The following EFNA5 variants were observed in gnomAD, a reference collection of about 807,000 sequenced individuals.
The protein encoded by EFNA5 is ephrin-A5.
In EFNA5, 5 loss-of-function variants were observed where a neutral mutation model predicts 22.9. That is an observed-to-expected ratio of 0.22 (90% CI 0.11 to 0.46). The LOEUF is 0.46. EFNA5 is among the 20% of genes least tolerant of loss of function. The probability of loss-of-function intolerance (pLI) is 0.99; values close to 1 mark genes in which losing one functional copy is unlikely to be tolerated. For missense variants in EFNA5, 237 were observed against 293.3 expected (o/e 0.81, Z 1.40); for synonymous variants, 113 against 112.2 (o/e 1.01, Z -0.04).
intron 1 of EFNA5, among the ~76,000 whole-genome samples, chr5:107,653,885 T>A (rs574090693): frequency 1.3e-5 from 2 of 152,252 alleles, no homozygotes; most frequent in East Asian, 3.9e-4. Flanking sequence ...AGCTTGCCAA[T>A]GTTTGCCTAC....
At chr5:107,660,690 T>C (rs1021234229) in intron 1 of EFNA5, among the ~76,000 whole-genome samples, 1 of 152,158 alleles carries the variant, frequency 6.6e-6, no homozygotes, top group Non-Finnish European at 1.5e-5. Context: ...GTTTAATTTG[T>C]TTTATACAGT....
At chr5:107,471,632 C>A (rs1392697921) in intron 1 of EFNA5, among the ~76,000 whole-genome samples, 1 of 152,118 alleles carries the variant, frequency 6.6e-6, no homozygotes, top group Non-Finnish European at 1.5e-5. Flanking sequence ...GCCTGGATAA[C>A]CGATAATGAA....
rs557850288 is a variant in EFNA5 at position 107,589,991 on chromosome 5, A to G, written c.125+80498T>C. Among the ~76,000 whole-genome samples, 4 of 152,336 alleles carry G rather than the reference A, an allele frequency of 2.6e-5. No homozygotes were observed. The East Asian group carries it at 5.8e-4, about 22-fold the overall frequency. ...CTATATTCCCTTGTCTTATGTAAACACATGGACCGCAGAGAATTTACGTAA... is the reference window on the plus strand; with the variant it reads ...CTATATTCCCTTGTCTTATGTAAACGCATGGACCGCAGAGAATTTACGTAA... On this transcript the variant is annotated intron_variant, in intron 1 of 4. Coordinates refer to ENST00000333274, the MANE Select transcript of EFNA5 (RefSeq NM_001962.3).
intron 1 of EFNA5, among the ~76,000 whole-genome samples, chr5:107,515,382 T>C (rs1037061774): frequency 6.7e-6 from 1 of 148,184 alleles, no homozygotes; most frequent in Non-Finnish European, 1.5e-5. Context: ...TTATTATTAT[T>C]ATTATTATTA....
intron 1 of EFNA5, among the ~76,000 whole-genome samples, chr5:107,539,254 G>T (rs1580519646): frequency 6.6e-6 from 1 of 152,240 alleles, no homozygotes; most frequent in Non-Finnish European, 1.5e-5. Flanking sequence ...ATTTGCGAAG[G>T]CAGTGGAATG....
intron 1 of EFNA5, among the ~76,000 whole-genome samples, chr5:107,472,255 C>T (rs1047306329): frequency 6.6e-6 from 1 of 152,172 alleles, no homozygotes. Context: ...TACTTCCAAA[C>T]ACTTGTTTTA....
In EFNA5 at chr5:107,381,376, T is replaced by C; in HGVS notation, c.566A>G (p.Asp189Gly). 3 of 1,609,766 alleles carry C rather than the reference T, an allele frequency of 1.9e-6. No individual in the cohort carries two copies. Among genetic ancestry groups the C allele is most frequent in the Non-Finnish European group, 2.5e-6 (3 of 1,176,696 alleles). Residue 189 changes from aspartate (D) to glycine (G), a missense_variant and splice_region_variant, in exon 5 of 5, where the codon GAT becomes GGT. Asp to Gly is a moderately conservative substitution (Grantham distance 94). Around this residue, in one of 3 missense-constraint regions of EFNA5, gnomAD observed 104 missense variants for 114.5 expected, o/e 0.91. Coordinates refer to ENST00000333274, the MANE Select transcript of EFNA5 (RefSeq NM_001962.3). ...DKVENSLEPA[D>G]DTVHESAEPS... ...CTCGGCTGACTCATGTACGGTGTCATCTGTTCAAATAGAAAGCACACATTC... is the reference window on the plus strand; with the variant it reads ...CTCGGCTGACTCATGTACGGTGTCACCTGTTCAAATAGAAAGCACACATTC...
At chr5:107,570,118 A>C (rs1262555905) in intron 1 of EFNA5, among the ~76,000 whole-genome samples, 1 of 152,168 alleles carries the variant, frequency 6.6e-6, no homozygotes, top group Non-Finnish European at 1.5e-5. Context: ...CTAATGGTGA[A>C]AGAAACTGTT....
chr5:107,625,079 T>C (rs75873428), intron 1 of EFNA5, among the ~76,000 whole-genome samples: 14,454 of 152,172 alleles, frequency 0.095, 916 homozygotes, highest in Non-Finnish European at 0.13. Flanking sequence ...AGAGATTTAT[T>C]AATTGAAAGT....
intron 1 of EFNA5, among the ~76,000 whole-genome samples, chr5:107,589,841 C>T (rs747713746): frequency 4.6e-5 from 7 of 152,096 alleles, no homozygotes; most frequent in Admixed American, 3.3e-4. Flanking sequence ...GAGTTTTACC[C>T]GTGTGCTAAG....
chr5:107,381,009 G>T lies in EFNA5; in HGVS notation c.*246C>A. 2.0e-6 allele frequency: 1 copy of T among 496,078 alleles called. No individual in the cohort carries two copies. Among genetic ancestry groups the T allele is most frequent in the Non-Finnish European group, 3.5e-6 (1 of 282,386 alleles). The allele number at this position is 496,078 out of a possible 1,614,324, so 30.7% of individuals were successfully genotyped here. A position where few individuals can be genotyped will look rare whatever the true frequency, so the allele number is the denominator to read the frequency against. ...TTTTCATCTGGAGTCCATTTAATTT[G>T]GGAGGGGTGAGAGAAGCCAAGGGCC... On this transcript the variant is annotated 3_prime_UTR_variant, in exon 5 of 5. Transcript: ENST00000333274.
intron 1 of EFNA5, among the ~76,000 whole-genome samples, chr5:107,604,506 A>C (rs1749671746): frequency 6.6e-6 from 1 of 152,230 alleles, no homozygotes; most frequent in Non-Finnish European, 1.5e-5. Flanking sequence ...AACTTAATTC[A>C]GCACACTGCT....
chr5:107,380,455 G>T lies in EFNA5; in HGVS notation c.*800C>A, dbSNP rs1185111566. On this transcript the variant is annotated 3_prime_UTR_variant, in exon 5 of 5. Coordinates refer to ENST00000333274, the MANE Select transcript of EFNA5 (RefSeq NM_001962.3). ...TCTGTATTCAAAGAAAAAATATCTG[G>T]TGTGCACTGCCCAGTCACCAAAAAA... 1 of 150,008 alleles carries T rather than the reference G, an allele frequency of 6.7e-6. No individual in the cohort carries two copies. The highest frequency in any genetic ancestry group is 1.3e-5 in the Non-Finnish European group (1 of 75,188). The allele number at this position is 150,008 out of a possible 1,614,324, so 9.3% of individuals were successfully genotyped here. A position where few individuals can be genotyped will look rare whatever the true frequency, so the allele number is the denominator to read the frequency against.
At chr5:107,657,948 G>A (rs1750865255) in intron 1 of EFNA5, among the ~76,000 whole-genome samples, 1 of 152,026 alleles carries the variant, frequency 6.6e-6, no homozygotes, top group African/African-American at 2.4e-5. Flanking sequence ...CTTTGAAAAA[G>A]CAAATAATAC....
chr5:107,544,168 A>G (rs891770225), intron 1 of EFNA5, among the ~76,000 whole-genome samples: 6 of 152,180 alleles, frequency 3.9e-5, no homozygotes, highest in Non-Finnish European at 7.4e-5. Context: ...CAATTAGATC[A>G]TTTAGGAAAC....
intron 1 of EFNA5, among the ~76,000 whole-genome samples, chr5:107,495,290 C>T (rs1746946533): frequency 1.3e-5 from 2 of 152,156 alleles, no homozygotes; most frequent in South Asian, 2.1e-4. Context: ...CGAACAACTC[C>T]AGACGAGCCG....
intron 1 of EFNA5, among the ~76,000 whole-genome samples, chr5:107,668,107 T>A (rs368229997): frequency 3.9e-4 from 60 of 152,332 alleles, no homozygotes; most frequent in African/African-American, 1.3e-3. Flanking sequence ...TGTCCATAAA[T>A]TCCTAAGAAT....
chr5:107,420,801 T>G (rs1004700080), intron 2 of EFNA5, among the ~76,000 whole-genome samples: 5 of 152,156 alleles, frequency 3.3e-5, no homozygotes, highest in African/African-American at 1.2e-4. Flanking sequence ...ATTTCCTGAG[T>G]AACTCTTCTA....
At chr5:107,450,469 C>T (rs781360877) in intron 1 of EFNA5, among the ~76,000 whole-genome samples, 2 of 152,182 alleles carry the variant, frequency 1.3e-5, no homozygotes, top group Non-Finnish European at 2.9e-5. Flanking sequence ...TCCTAGTGTC[C>T]TTAAGCATGT....
Sources: allele counts gnomAD v4.1 joint callset (sites outside exome capture counted in the v4.1 genomes callset), GRCh38; gene constraint gnomAD v4.1.1; regional missense constraint gnomAD v4.1.1; transcripts MANE v1.5; gene names NCBI Gene and HGNC (gene_info 2026-07-23, HGNC 2026-07-21).